The following SUSD1 variants were observed in gnomAD, a reference collection of about 807,000 sequenced individuals.
The protein encoded by SUSD1 is sushi domain-containing protein 1.
SUSD1 carries 65 observed loss-of-function variants against 86.9 expected under a neutral mutation model. That is an observed-to-expected ratio of 0.75 (90% CI 0.61 to 0.92). SUSD1 has a LOEUF of 0.92. Ranked by LOEUF, SUSD1 falls within the 40% of genes least tolerant of loss-of-function variation. The pLI is 0.00. For synonymous variants in SUSD1, 346 were observed against 350.0 expected (o/e 0.99, Z 0.13); for missense variants, 850 against 929.7 (o/e 0.91, Z 1.11).
intron 1 of SUSD1, among the ~76,000 whole-genome samples, chr9:112,166,115 G>C (rs7863968): frequency 6.6e-6 from 1 of 152,138 alleles, no homozygotes; most frequent in African/African-American, 2.4e-5. Flanking sequence ...GGCTACCAAG[G>C]CTTCTCAGAC....
chr9:112,175,090 G>T lies in SUSD1; in HGVS notation c.103+43C>A. 1.0e-6 allele frequency: 1 copy of T among 1,004,042 alleles called. No homozygotes were observed. The highest frequency in any genetic ancestry group is 4.5e-5 in the South Asian group (1 of 22,056). 62.2% of individuals were successfully genotyped at this position (1,004,042 alleles called of 1,614,324 possible). On this transcript the variant is annotated intron_variant, in intron 1 of 16. Coordinates refer to ENST00000374270, the MANE Select transcript of SUSD1 (RefSeq NM_022486.5). The surrounding 1 kb of genome is among the most constrained non-coding windows in gnomAD (Gnocchi z 4.7). ...GCCCAGAGTCCTCGAGGCCCAGCCG[G>T]GGGCCCCGCCGGCCGCCCGTGCCCG...
intron 13 of SUSD1, among the ~76,000 whole-genome samples, chr9:112,061,338 G>A (rs1828716719): frequency 6.6e-6 from 1 of 152,154 alleles, no homozygotes; most frequent in Non-Finnish European, 1.5e-5. Context: ...AAACCACCCT[G>A]CCTGCTGGTA....
chr9:112,079,535 C>A lies in SUSD1; in HGVS notation c.1566+539G>T, dbSNP rs182131831. Among the ~76,000 whole-genome samples the A allele has an allele frequency of 2.7e-4, 41 of 152,118 alleles. No homozygotes were observed. In the East Asian group the frequency reaches 7.5e-3, roughly 28 times the overall value. ...CCTTTCCTTAACCACCCTGACACTT[C>A]GGCCAAGAGACACCCTTTTGTTCTT... On this transcript the variant is annotated intron_variant, in intron 11 of 16. Transcript: ENST00000374270.
intron 2 of SUSD1, among the ~76,000 whole-genome samples, chr9:112,156,765 A>G (rs1203990107): frequency 6.6e-6 from 1 of 152,170 alleles, no homozygotes; most frequent in Non-Finnish European, 1.5e-5. Context: ...ACAAGGCTGT[A>G]TATACCATCT....
Position 112,103,182 on chromosome 9 carries a change from A to G in SUSD1, c.1172-897T>C, listed in dbSNP as rs1397097942. 1.1e-5 allele frequency: 5 copies of G among 457,764 alleles called. No individual in the cohort carries two copies. In the East Asian group the frequency reaches 2.8e-4, roughly 26 times the overall value. 28.4% of individuals were successfully genotyped at this position (457,764 alleles called of 1,614,324 possible). A position where few individuals can be genotyped will look rare whatever the true frequency, so the allele number is the denominator to read the frequency against. On this transcript the variant is annotated intron_variant, in intron 8 of 16. Coordinates refer to ENST00000374270, the MANE Select transcript of SUSD1 (RefSeq NM_022486.5). The stretch of plus-strand genomic sequence containing the variant: ...GTTTCTGCTACCTAAGAATGAGAAC[A>G]ATAAATTATTTTAGTCAAGATCAGA...
chr9:112,169,467 C>T (rs10981293), intron 1 of SUSD1: 72,097 of 151,644 alleles, frequency 0.48, 17,471 homozygotes, highest in African/African-American at 0.58. Flanking sequence ...ATGGCTCACA[C>T]GACCCAATCC....
intron 13 of SUSD1, among the ~76,000 whole-genome samples, chr9:112,061,955 T>C (rs1828746984): frequency 6.6e-6 from 1 of 152,064 alleles, no homozygotes. Flanking sequence ...TCTTCCTCTC[T>C]AAAAAAGGGA....
intron 14 of SUSD1, among the ~76,000 whole-genome samples, chr9:112,052,681 A>G (rs1471904379): frequency 2.0e-5 from 3 of 152,198 alleles, no homozygotes; most frequent in African/African-American, 7.2e-5. Flanking sequence ...CAGGTCTTGG[A>G]AAGCATATAT....
chr9:112,072,917 C>T (rs1165149890), intron 12 of SUSD1, among the ~76,000 whole-genome samples: 1 of 152,180 alleles, frequency 6.6e-6, no homozygotes, highest in African/African-American at 2.4e-5. Flanking sequence ...CAGGGGGGCC[C>T]CCAGGGATAA....
intron 10 of SUSD1, among the ~76,000 whole-genome samples, chr9:112,094,461 C>T (rs1215497734): frequency 6.6e-6 from 1 of 152,092 alleles, no homozygotes; most frequent in Non-Finnish European, 1.5e-5. Context: ...AGATAAGAAA[C>T]TCTTTGGGGG....
At chr9:112,051,593 G>C (rs1321350035) in intron 15 of SUSD1, among the ~76,000 whole-genome samples, 1 of 151,420 alleles carries the variant, frequency 6.6e-6, no homozygotes, top group African/African-American at 2.4e-5. Context: ...CACCATGCCT[G>C]GCTAATTTTG....
intron 14 of SUSD1, among the ~76,000 whole-genome samples, chr9:112,052,976 G>A (rs1226674888): frequency 6.6e-6 from 1 of 152,138 alleles, no homozygotes; most frequent in Non-Finnish European, 1.5e-5. Flanking sequence ...CATAGTAGAA[G>A]AAATCTATAG....
intron 5 of SUSD1, among the ~76,000 whole-genome samples, chr9:112,127,862 GTGCCAC>G (rs1411361691): frequency 2.0e-5 from 3 of 151,582 alleles, no homozygotes; most frequent in African/African-American, 4.8e-5. Context: ...GAGTGCAGTG[GTGCCAC>G]CACAACTCAC....
chr9:112,165,945 G>A (rs868735853), intron 1 of SUSD1, among the ~76,000 whole-genome samples: 2 of 133,702 alleles, frequency 1.5e-5, no homozygotes, highest in African/African-American at 3.0e-5. Context: ...AAAGAAAGAA[G>A]AAAGAAAGAA....
At chr9:112,080,295 A>T in intron 10 of SUSD1, 130 bp from the exon 11 acceptor site, 1 of 625,116 alleles carries the variant, frequency 1.6e-6, no homozygotes. Context: ...AATTAGTGGT[A>T]GCAGTCTCAA....
intron 13 of SUSD1, among the ~76,000 whole-genome samples, chr9:112,062,261 G>A (rs1296543883): frequency 6.6e-6 from 1 of 152,180 alleles, no homozygotes; most frequent in African/African-American, 2.4e-5. Flanking sequence ...CATCCATAAA[G>A]GATGTACTAT....
At chr9:112,154,091 G>A (rs1021336441) in intron 2 of SUSD1, among the ~76,000 whole-genome samples, 2 of 152,066 alleles carry the variant, frequency 1.3e-5, no homozygotes, top group African/African-American at 4.8e-5. Context: ...TGGGCCCACT[G>A]TTGTATATTC....
At chr9:112,097,995 T>A (rs373290796) in intron 10 of SUSD1, among the ~76,000 whole-genome samples, 1 of 152,208 alleles carries the variant, frequency 6.6e-6, no homozygotes, top group Admixed American at 6.5e-5. Flanking sequence ...GAAGAATTTC[T>A]AAGGAGCCTG....
At chr9:112,135,073 A>AC (rs1406393558) in intron 5 of SUSD1, among the ~76,000 whole-genome samples, 3 of 152,036 alleles carry the variant, frequency 2.0e-5, no homozygotes, top group Non-Finnish European at 4.4e-5. Flanking sequence ...CAAAAAAAAA[A>AC]AAGAAAAGAA....
Sources: gnomAD v4.1 joint callset for allele counts (sites outside exome capture counted in the v4.1 genomes callset) on GRCh38, gnomAD v4.1.1 for gene constraint, Gnocchi (gnomAD v3.1) non-coding constraint, MANE v1.5 for transcripts, NCBI Gene and HGNC (gene_info 2026-07-23, HGNC 2026-07-21) for gene names.